Variants in CDIP1 observed in about 807,000 individuals in gnomAD.
CDIP1 encodes the protein cell death-inducing p53-target protein 1.
A neutral mutation model predicts 17.7 loss-of-function variants in CDIP1; 9 were observed. The observed-to-expected ratio is 0.51, with a 90% confidence interval of 0.31 to 0.89. The LOEUF is 0.89. Ranked by LOEUF, CDIP1 falls within the 40% of genes least tolerant of loss-of-function variation. The pLI is 0.05. For missense variants in CDIP1, 263 were observed against 277.9 expected (o/e 0.95, Z 0.38); for synonymous variants, 117 against 109.5 (o/e 1.07, Z -0.43).
chr16:4,521,304 C>T (rs567025584), intron 1 of CDIP1, among the ~76,000 whole-genome samples: 1 of 152,238 alleles, frequency 6.6e-6, no homozygotes, highest in Admixed American at 6.5e-5. Context: ...CCTAGCCCCC[C>T]GAGTGGTCTC....
intron 1 of CDIP1, chr16:4,524,267 C>A (rs777475329): frequency 6.6e-6 from 1 of 152,266 alleles, no homozygotes; most frequent in Admixed American, 6.5e-5. Context: ...GATACCACCA[C>A]CCATACAGAG....
chr16:4,534,694 T>C (rs1382670939), intron 1 of CDIP1, among the ~76,000 whole-genome samples: 1 of 148,174 alleles, frequency 6.7e-6, no homozygotes, highest in Non-Finnish European at 1.5e-5. Context: ...TGCATGGTTT[T>C]TTTTTTTTTT....
intron 1 of CDIP1, among the ~76,000 whole-genome samples, chr16:4,524,743 A>C (rs2058982713): frequency 6.6e-6 from 1 of 152,218 alleles, no homozygotes; most frequent in Admixed American, 6.5e-5. Flanking sequence ...ATGAGTAATA[A>C]AACTTGGTTT....
In CDIP1 at chr16:4,512,243, T is replaced by C. The variant is rs2058837762; in HGVS notation, c.*329A>G. 11 of 416,614 alleles carry C rather than the reference T, an allele frequency of 2.6e-5. No homozygotes were observed. The Admixed American group carries it at 4.0e-4, about 15-fold the overall frequency. 25.8% of individuals were successfully genotyped at this position (416,614 alleles called of 1,614,324 possible). A position where few individuals can be genotyped will look rare whatever the true frequency, so the allele number is the denominator to read the frequency against. On this transcript the variant is annotated 3_prime_UTR_variant, in exon 6 of 6. Transcript: ENST00000567695. The surrounding 1 kb of genome is among the most constrained non-coding windows in gnomAD (Gnocchi z 4.6). ...AGGGGGAAAGAGTCTGGACTGAACC[T>C]GTACCTTGTTTGGAAACAGAGGCAT...
intron 1 of CDIP1, chr16:4,532,862 C>G (rs1291637807): frequency 6.6e-6 from 1 of 152,266 alleles, no homozygotes. Flanking sequence ...TCAGGTGACA[C>G]AAAATGCCTG....
In CDIP1 at chr16:4,523,415, G is replaced by C. The variant is rs575047989; in HGVS notation, c.-104-8751C>G. On this transcript the variant is annotated intron_variant, in intron 1 of 5. Coordinates refer to ENST00000567695, the MANE Select transcript of CDIP1 (RefSeq NM_013399.3). ...TGTAATCCCAGCTACTTAGGAGGCT[G>C]AGGTAGGAGAATCACTTGAACCCAG... Among the ~76,000 whole-genome samples the C allele has an allele frequency of 8.5e-5, 13 of 152,292 alleles. No homozygotes were observed. In the South Asian group the frequency reaches 2.5e-3, roughly 29 times the overall value.
At chr16:4,536,229 C>A (rs2141664618) in intron 1 of CDIP1, among the ~76,000 whole-genome samples, 1 of 152,336 alleles carries the variant, frequency 6.6e-6, no homozygotes, top group South Asian at 2.1e-4. Context: ...CAAATTTTCA[C>A]AGGGCCTATC....
In CDIP1 at chr16:4,521,700, T is replaced by TAA. The variant is rs111828421; in HGVS notation, c.-104-7038_-104-7037dup. ...CAACATGGCAAGACGTCATCAATAT[T>TAA]AAAAAAAAAAAAAAAAAAAAAAGGC... On this transcript the variant is annotated intron_variant, in intron 1 of 5. Transcript: ENST00000567695. 2.5e-3 allele frequency among the ~76,000 whole-genome samples: 222 copies of TAA among 90,552 alleles called. 4 individuals are homozygous for TAA. The highest frequency in any genetic ancestry group is 7.5e-3 in the African/African-American group (185 of 24,680). The allele number at this position is 90,552 out of a possible 152,430, so 59.4% of individuals were successfully genotyped here. A position where few individuals can be genotyped will look rare whatever the true frequency, so the allele number is the denominator to read the frequency against.
At chr16:4,536,166 C>A (rs2059104369) in intron 1 of CDIP1, among the ~76,000 whole-genome samples, 1 of 152,200 alleles carries the variant, frequency 6.6e-6, no homozygotes, top group African/African-American at 2.4e-5. Context: ...CCTGTGTCTT[C>A]TATGAGTAAA....
intron 1 of CDIP1, among the ~76,000 whole-genome samples, chr16:4,520,538 C>T (rs1179925220): frequency 6.6e-6 from 1 of 152,158 alleles, no homozygotes; most frequent in African/African-American, 2.4e-5. Context: ...GACATGATTT[C>T]TTAACATCAT....
intron 1 of CDIP1, among the ~76,000 whole-genome samples, chr16:4,521,629 G>A (rs560862635): frequency 4.6e-5 from 7 of 151,000 alleles, no homozygotes; most frequent in Non-Finnish European, 1.0e-4. Flanking sequence ...CGGGGAGGCC[G>A]AGACGGGAGG....
chr16:4,512,319 C>T lies in CDIP1; in HGVS notation c.*253G>A, dbSNP rs1471473403. On this transcript the variant is annotated 3_prime_UTR_variant, in exon 6 of 6. Coordinates refer to ENST00000567695, the MANE Select transcript of CDIP1 (RefSeq NM_013399.3). The surrounding 1 kb of genome is among the most constrained non-coding windows in gnomAD (Gnocchi z 4.6). ...CAGCTTATCTTCCCGATCACACACA[C>T]CAAGCAGACCAACAACACACAAGCT... 2 of 573,994 alleles carry T rather than the reference C, an allele frequency of 3.5e-6. No individual in the cohort carries two copies. The highest frequency in any genetic ancestry group is 6.3e-6 in the Non-Finnish European group (2 of 318,662). 35.6% of individuals were successfully genotyped at this position (573,994 alleles called of 1,614,324 possible). A position where few individuals can be genotyped will look rare whatever the true frequency, so the allele number is the denominator to read the frequency against.
At chr16:4,527,110 C>T (rs1295546859) in intron 1 of CDIP1, among the ~76,000 whole-genome samples, 4 of 147,990 alleles carry the variant, frequency 2.7e-5, no homozygotes, top group South Asian at 2.1e-4. Flanking sequence ...TTTTTTTAGA[C>T]GGAGTCTCGC....
rs767541693 is a variant in CDIP1, at chr16:4,513,004, G to A, written c.302C>T (p.Thr101Met). ...CCCAGGGCCAGGGTAGGGCCCTGGC[G>A]TGTAGGGCCCTGGGGGGTAGTAGCC... ...PMGYYPPGPY[T>M]PGPYPGPGGH... The change falls in exon 5 of 6, where the codon ACG (threonine) becomes ATG (methionine). Residue 101 changes from threonine (T) to methionine (M), a missense_variant. By Grantham distance (81) the Thr-to-Met change is moderately conservative (BLOSUM62 -1). Transcript: ENST00000567695. This position sits in a 1 kb window ranked among gnomAD's most constrained non-coding sequence, Gnocchi z 4.1. 3.1e-5 allele frequency: 50 copies of A among 1,590,014 alleles called. No homozygotes were observed. Among genetic ancestry groups the A allele is most frequent in the Middle Eastern group, 1.7e-4 (1 of 5,864 alleles).
At chr16:4,518,776 C>T (rs982177028) in intron 1 of CDIP1, among the ~76,000 whole-genome samples, 1 of 152,238 alleles carries the variant, frequency 6.6e-6, no homozygotes, top group African/African-American at 2.4e-5. Context: ...ATCTTTCAAT[C>T]ACACGATCAG....
Position 4,513,354 on chromosome 16 carries a change from G to A in CDIP1, c.242-290C>T, listed in dbSNP as rs2058853487. Among the ~76,000 whole-genome samples the A allele has an allele frequency of 6.6e-6, 1 of 152,152 alleles. No homozygotes were observed. The highest frequency in any genetic ancestry group is 6.5e-5 in the Admixed American group (1 of 15,280). ...CCCTCTGCTCCTCTGTCTGTCTCCA[G>A]CATGCAAGGACAGGGCACTCAGCCT... is the stretch of plus-strand genomic sequence containing the variant. On this transcript the variant is annotated intron_variant, in intron 4 of 5. Transcript: ENST00000567695. The surrounding 1 kb of genome is among the most constrained non-coding windows in gnomAD (Gnocchi z 4.1).
chr16:4,538,153 C>T (rs897582195), intron 1 of CDIP1, among the ~76,000 whole-genome samples: 1 of 152,164 alleles, frequency 6.6e-6, no homozygotes, highest in African/African-American at 2.4e-5. Flanking sequence ...AACGTGCGGG[C>T]GAGCAGGCTG....
At chr16:4,526,297 C>A (rs150608719) in intron 1 of CDIP1, among the ~76,000 whole-genome samples, 7 of 152,202 alleles carry the variant, frequency 4.6e-5, no homozygotes, top group Middle Eastern at 3.4e-3. Context: ...CCCAGCTACT[C>A]GGGAGGCTGA....
intron 1 of CDIP1, among the ~76,000 whole-genome samples, chr16:4,518,802 C>G (rs1317530407): frequency 6.6e-6 from 1 of 152,208 alleles, no homozygotes; most frequent in Non-Finnish European, 1.5e-5. Flanking sequence ...AAATAGTTTT[C>G]CAATAAAACG....
Sources: allele counts gnomAD v4.1 joint callset (sites outside exome capture counted in the v4.1 genomes callset), GRCh38; gene constraint gnomAD v4.1.1; non-coding constraint Gnocchi (gnomAD v3.1); transcripts MANE v1.5; gene names NCBI Gene and HGNC (gene_info 2026-07-23, HGNC 2026-07-21).